Variants in PARD3 observed in about 807,000 individuals in gnomAD.
The protein encoded by PARD3 is par-3 family cell polarity regulator.
A neutral mutation model predicts 155.4 loss-of-function variants in PARD3; 75 were observed. That is an observed-to-expected ratio of 0.48 (90% CI 0.40 to 0.58). PARD3 has a LOEUF of 0.58. Ranked by LOEUF, PARD3 falls within the 20% of genes least tolerant of loss-of-function variation. PARD3 has a pLI of 0.00. For missense variants in PARD3, 1,642 were observed against 1,721.7 expected (o/e 0.95, Z 0.82); for synonymous variants, 576 against 610.5 (o/e 0.94, Z 0.83).
At chr10:34,380,415 G>A (rs1841706738) in intron 9 of PARD3, among the ~76,000 whole-genome samples, 1 of 152,020 alleles carries the variant, frequency 6.6e-6, no homozygotes, top group African/African-American at 2.4e-5. Flanking sequence ...TTGTGTAAAT[G>A]CAATCATATT....
chr10:34,345,843 C>T lies in PARD3; in HGVS notation c.2218+2122G>A, dbSNP rs368764814. 1.0e-4 allele frequency: 98 copies of T among 984,738 alleles called. No individual in the cohort carries two copies. In the Middle Eastern group the frequency reaches 1.6e-3, roughly 16 times the overall value. The allele number at this position is 984,738 out of a possible 1,614,324, so 61.0% of individuals were successfully genotyped here. ...TTTCACAAATTGCATTTGATTCTTA[C>T]GGCCAAAGATACTAGAATAAGGACT... On this transcript the variant is annotated intron_variant, in intron 15 of 24. Transcript: ENST00000374788.
chr10:34,499,457 T>C (rs2080524692), intron 3 of PARD3, among the ~76,000 whole-genome samples: 1 of 152,076 alleles, frequency 6.6e-6, no homozygotes, highest in East Asian at 1.9e-4. Context: ...GAGGTTTCCA[T>C]ATAAAATTAC....
intron 5 of PARD3, among the ~76,000 whole-genome samples, chr10:34,436,575 C>T (rs996063497): frequency 1.3e-5 from 2 of 151,868 alleles, no homozygotes; most frequent in African/African-American, 4.8e-5. Context: ...TATTCCTGTA[C>T]AATGTGTAAA....
intron 22 of PARD3, among the ~76,000 whole-genome samples, chr10:34,171,390 G>A (rs1949784388): frequency 1.3e-5 from 2 of 152,032 alleles, no homozygotes; most frequent in African/African-American, 4.8e-5. Flanking sequence ...CTAAGACGCT[G>A]GCTAATACTA....
At chr10:34,501,638 G>A (rs1047938566) in intron 3 of PARD3, among the ~76,000 whole-genome samples, 2 of 151,956 alleles carry the variant, frequency 1.3e-5, no homozygotes, top group African/African-American at 4.8e-5. Context: ...CATGGAAGAC[G>A]ATGTATTTGT....
intron 2 of PARD3, among the ~76,000 whole-genome samples, chr10:34,560,051 C>A (rs1296172582): frequency 6.6e-6 from 1 of 152,058 alleles, no homozygotes; most frequent in African/African-American, 2.4e-5. Context: ...ATCATAAAAA[C>A]CAATAAATCT....
chr10:34,780,837 A>G (rs1189012549), intron 1 of PARD3, among the ~76,000 whole-genome samples: 1 of 152,228 alleles, frequency 6.6e-6, no homozygotes, highest in African/African-American at 2.4e-5. Context: ...GAGGCAACAT[A>G]CGCTGAAATA....
intron 20 of PARD3, among the ~76,000 whole-genome samples, chr10:34,289,665 G>C (rs1009733946): frequency 8.5e-5 from 13 of 152,210 alleles, no homozygotes; most frequent in African/African-American, 3.1e-4. Context: ...GAAAGATGCA[G>C]TGAGCTAATC....
At chr10:34,460,114 T>C (rs924151459) in intron 4 of PARD3, among the ~76,000 whole-genome samples, 2 of 152,194 alleles carry the variant, frequency 1.3e-5, no homozygotes, top group Non-Finnish European at 2.9e-5. Context: ...AGTAAAGAAA[T>C]GGATGGCACA....
At chr10:34,220,540 G>A (rs1371302312) in intron 22 of PARD3, among the ~76,000 whole-genome samples, 1 of 152,150 alleles carries the variant, frequency 6.6e-6, no homozygotes, top group Admixed American at 6.5e-5. Flanking sequence ...AGAGAGTGAA[G>A]TTTTCCTTCA....
At chr10:34,653,398 C>T (rs1320291800) in intron 2 of PARD3, among the ~76,000 whole-genome samples, 1 of 152,082 alleles carries the variant, frequency 6.6e-6, no homozygotes, top group African/African-American at 2.4e-5. Context: ...AGTCCCTCAA[C>T]AAAAACAGGT....
chr10:34,296,787 G>A (rs2133996730), intron 20 of PARD3, among the ~76,000 whole-genome samples: 1 of 152,264 alleles, frequency 6.6e-6, no homozygotes, highest in East Asian at 1.9e-4. Context: ...GATCTAACAT[G>A]CTAGAACAAG....
rs1185102050 is a variant in PARD3 at position 34,359,749 on chromosome 10, CAG to C, written c.1896+320_1896+321del. On this transcript the variant is annotated intron_variant, in intron 13 of 24. Transcript: ENST00000374788. ...AGAAATAGAGTAAGTGACCCACAAA[CAG>C]GGGAGGGGAGGGGAAAGATTAACGT... Among the ~76,000 whole-genome samples the C allele has an allele frequency of 7.2e-5, 11 of 152,202 alleles. No homozygotes were observed. In the East Asian group the frequency reaches 2.1e-3, roughly 29 times the overall value.
intron 22 of PARD3, among the ~76,000 whole-genome samples, chr10:34,177,301 CT>C (rs1426853179): frequency 6.6e-6 from 1 of 152,250 alleles, no homozygotes; most frequent in East Asian, 1.9e-4. Flanking sequence ...GACCCCATGA[CT>C]TTTCCAGCCC....
intron 12 of PARD3, 64 bp downstream of exon 12, chr10:34,372,434 G>A: frequency 1.7e-6 from 2 of 1,181,474 alleles, no homozygotes; most frequent in Non-Finnish European, 2.5e-6. Context: ...TATTAAATTA[G>A]TAAGAAGTTA....
At chr10:34,564,834 T>A (rs1353147443) in intron 2 of PARD3, among the ~76,000 whole-genome samples, 3 of 152,228 alleles carry the variant, frequency 2.0e-5, no homozygotes, top group Non-Finnish European at 2.9e-5. Context: ...GCCATTAATA[T>A]AATTTTAATG....
Position 34,734,136 on chromosome 10 carries a change from A to G in PARD3, c.121-37717T>C, listed in dbSNP as rs570339913. 3.3e-5 allele frequency among the ~76,000 whole-genome samples: 5 copies of G among 152,128 alleles called. No homozygotes were observed. The South Asian group carries it at 1.0e-3, about 32-fold the overall frequency. ...TTTAGAATGTTAAAACTTATTTCTC[A>G]GGTTCAAAAAAATCCTTTAAAAAAC... is the stretch of plus-strand genomic sequence containing the variant. On this transcript the variant is annotated intron_variant, in intron 1 of 24. Transcript: ENST00000374788.
At chr10:34,628,642 G>A (rs899394515) in intron 2 of PARD3, among the ~76,000 whole-genome samples, 3 of 152,206 alleles carry the variant, frequency 2.0e-5, no homozygotes, top group East Asian at 1.9e-4. Flanking sequence ...GCTTCATCAC[G>A]CCTGAGAGAC....
intron 22 of PARD3, among the ~76,000 whole-genome samples, chr10:34,215,699 G>A (rs774903745): frequency 6.6e-6 from 1 of 152,206 alleles, no homozygotes; most frequent in Non-Finnish European, 1.5e-5. Context: ...TTGTAGGACT[G>A]CAAGAGGTAA....
Sources: gnomAD v4.1 joint callset for allele counts (sites outside exome capture counted in the v4.1 genomes callset) on GRCh38, gnomAD v4.1.1 for gene constraint, MANE v1.5 for transcripts, NCBI Gene and HGNC (gene_info 2026-07-23, HGNC 2026-07-21) for gene names.